LGALS9: variants seen among roughly 807,000 people sequenced by gnomAD.
LGALS9 encodes galectin 9, also known as galectin-9.
LGALS9 carries 26 observed loss-of-function variants against 35.9 expected under a neutral mutation model. The observed-to-expected ratio is 0.72, with a 90% CI of 0.53 to 1.01. The LOEUF is 1.01. Among genes scored for constraint, LGALS9 ranks in the 50% least tolerant of loss-of-function variants. The pLI, the probability that LGALS9 is intolerant of heterozygous loss-of-function variation, is 0.00. For synonymous variants in LGALS9, 149 were observed against 172.2 expected, an observed-to-expected ratio of 0.87 and a Z score of 1.06; for missense variants, 347 against 445.8, an observed-to-expected ratio of 0.78 and a Z score of 1.99.
rs748565126 is a variant in LGALS9 at position 27,647,025 on chromosome 17, G to A, written c.670-5G>A. 149 of 1,613,726 alleles carry A rather than the reference G, an allele frequency of 9.2e-5. No individual in the cohort carries two copies. The highest frequency in any genetic ancestry group is 1.2e-4 in the Non-Finnish European group (141 of 1,179,886). On this transcript the variant is annotated splice_polypyrimidine_tract_variant and splice_region_variant and intron_variant, in intron 8 of 10. Coordinates refer to ENST00000395473, the MANE Select transcript of LGALS9 (RefSeq NM_009587.3). ...GTGGCTGACCTGTCCCCCTTCTTCC[G>A]ACAGCCGATGCCTTTCATCACCACC... is the stretch of plus-strand genomic sequence containing the variant.
At chr17:27,648,689 G>A in intron 10 of LGALS9, 147 bp from the exon 11 acceptor site, 1 of 1,337,766 alleles carries the variant, frequency 7.5e-7, no homozygotes, top group Non-Finnish European at 1.0e-6. Flanking sequence ...GTTTAGTGAA[G>A]AGCCGTCGTT....
In LGALS9 at chr17:27,631,277, C is replaced by T. The variant is rs374384119; in HGVS notation, c.12C>T (p.Ser4=). The T allele has an allele frequency of 1.7e-5, 27 of 1,614,028 alleles. No individual in the cohort carries two copies. Among genetic ancestry groups the T allele is most frequent in the Middle Eastern group, 1.6e-4 (1 of 6,082 alleles). The stretch of plus-strand genomic sequence containing the variant: ...GAGGCGGCGGAGAGATGGCCTTCAG[C>T]GGTTCCCAGGCTCCCTACCTGAGTC... MAF[S]GSQAPYLSPA... is the part of the protein sequence containing the mutation. The change falls in exon 1 of 11, where the codon AGC becomes AGT. Residue 4 remains serine, a synonymous_variant. Coordinates refer to ENST00000395473, the MANE Select transcript of LGALS9 (RefSeq NM_009587.3).
intron 5 of LGALS9, chr17:27,645,024 T>G: frequency 2.0e-6 from 1 of 510,952 alleles, no homozygotes; most frequent in Admixed American, 3.6e-5. Context: ...AGTAATGCTC[T>G]TCGCTGTGGG....
chr17:27,643,875 G>A (rs1904719978), intron 5 of LGALS9, among the ~76,000 whole-genome samples: 2 of 152,120 alleles, frequency 1.3e-5, no homozygotes, highest in Admixed American at 6.5e-5. Context: ...TGTGGTCCAG[G>A]CCTCTGGGAT....
chr17:27,647,512 T>C, intron 10 of LGALS9, 80 bp downstream of exon 10: 2 of 1,572,282 alleles, frequency 1.3e-6, no homozygotes, highest in Non-Finnish European at 1.7e-6. Flanking sequence ...TGAGGTACCT[T>C]GAACAGTATG....
At chr17:27,639,325 C>T (rs981992401) in intron 2 of LGALS9, among the ~76,000 whole-genome samples, 16 of 152,158 alleles carry the variant, frequency 1.1e-4, no homozygotes, top group African/African-American at 3.6e-4. Context: ...GATCTTCCGC[C>T]CCTTCCTCTC....
In LGALS9 at chr17:27,643,759, C is replaced by T. The variant is rs1167205497; in HGVS notation, c.540+139C>T. On this transcript the variant is annotated intron_variant, in intron 5 of 10. Transcript: ENST00000395473. ...CACCCAAGAGTTCCCTGTCTCTGTC[C>T]GCTGGGCACCCAGAGCTGGGGACCT... 21 of 1,361,498 alleles carry T rather than the reference C, an allele frequency of 1.5e-5. 1 individual carries two copies. The highest frequency in any genetic ancestry group is 4.6e-5 in the South Asian group (3 of 65,162). 84.3% of individuals were successfully genotyped at this position (1,361,498 alleles called of 1,614,324 possible).
At chr17:27,647,884 G>T (rs1905061679) in intron 10 of LGALS9, among the ~76,000 whole-genome samples, 1 of 152,258 alleles carries the variant, frequency 6.6e-6, no homozygotes, top group Admixed American at 6.5e-5. Flanking sequence ...TGGACAGATT[G>T]TCACAGATAA....
Position 27,648,945 on chromosome 17 carries a change from T to C in LGALS9, c.1031T>C (p.Val344Ala), listed in dbSNP as rs1567921001. Residue 344 changes from valine to alanine, a missense_variant, in exon 11 of 11, where the codon GTG (valine) becomes GCG (alanine). By Grantham distance (64) the Val-to-Ala change is moderately conservative (BLOSUM62 0). Coordinates refer to ENST00000395473, the MANE Select transcript of LGALS9 (RefSeq NM_009587.3). ...RNLPTINRLE[V>A]GGDIQLTHVQ... ...CTGCCCACCATCAACAGACTGGAAG[T>C]GGGGGGCGACATCCAGCTGACCCAT... 1 of 1,613,714 alleles carries C rather than the reference T, an allele frequency of 6.2e-7. No individual in the cohort carries two copies. Among genetic ancestry groups the C allele is most frequent in the Non-Finnish European group, 8.5e-7 (1 of 1,179,792 alleles).
At position 27,638,165 on chromosome 17, in the gene LGALS9, T is replaced by C. The variant is rs1177587950; in HGVS notation, c.40-98T>C. 10 of 994,670 alleles carry C rather than the reference T, an allele frequency of 1.0e-5. 1 individual carries two copies. The African/African-American group carries it at 1.3e-4, about 13-fold the overall frequency. The allele number at this position is 994,670 out of a possible 1,614,324, so 61.6% of individuals were successfully genotyped here. ...CACAGCCGCACCCTATCCCCTTGCA[T>C]GGGGCTGTCAAACCCAGGCTGGCCA... On this transcript the variant is annotated intron_variant, in intron 1 of 10. Transcript: ENST00000395473.
intron 1 of LGALS9, 23 bp downstream of exon 1, chr17:27,631,327 C>G (rs1439826358): frequency 6.2e-7 from 1 of 1,614,128 alleles, no homozygotes; most frequent in Non-Finnish European, 8.5e-7. Context: ...GCTATGGGCA[C>G]AGGGCTGCCT....
At chr17:27,631,412 C>A in intron 1 of LGALS9, 108 bp downstream of exon 1, 1 of 1,423,360 alleles carries the variant, frequency 7.0e-7, no homozygotes, top group East Asian at 2.3e-5. Flanking sequence ...GGGGGCATCC[C>A]AAAGAGAACA....
chr17:27,648,274 A>C (rs575845930), intron 10 of LGALS9, among the ~76,000 whole-genome samples: 71 of 152,380 alleles, frequency 4.7e-4, no homozygotes, highest in African/African-American at 1.6e-3. Context: ...ATTTGTAGAC[A>C]GCTGTGTGAC....
intron 1 of LGALS9, among the ~76,000 whole-genome samples, chr17:27,635,580 C>T (rs1406827405): frequency 6.6e-6 from 1 of 152,086 alleles, no homozygotes; most frequent in Non-Finnish European, 1.5e-5. Flanking sequence ...GGAGATTAGC[C>T]TGTCCTGTCC....
intron 3 of LGALS9, among the ~76,000 whole-genome samples, chr17:27,641,437 A>G (rs962535865): frequency 6.6e-6 from 1 of 152,186 alleles, no homozygotes; most frequent in Non-Finnish European, 1.5e-5. Flanking sequence ...AGGAGCAGAA[A>G]ACCAAACACC....
At position 27,649,131 on chromosome 17, in the gene LGALS9, G is replaced by T; in HGVS notation, c.*149G>T. The T allele has an allele frequency of 2.3e-6, 3 of 1,285,224 alleles. No homozygotes were observed. The highest frequency in any genetic ancestry group is 2.2e-6 in the Non-Finnish European group (2 of 926,598). 79.6% of individuals were successfully genotyped at this position (1,285,224 alleles called of 1,614,324 possible). ...ATGTCCTTGTCTGGTCCTGCTTCTG[G>T]CTACAGCCACCCTGGAACGGAGAAG... is the stretch of plus-strand genomic sequence containing the variant. On this transcript the variant is annotated 3_prime_UTR_variant, in exon 11 of 11. Coordinates refer to ENST00000395473, the MANE Select transcript of LGALS9 (RefSeq NM_009587.3).
At chr17:27,643,898 C>T (rs531449507) in intron 5 of LGALS9, among the ~76,000 whole-genome samples, 14 of 152,264 alleles carry the variant, frequency 9.2e-5, no homozygotes, top group East Asian at 7.7e-4. Flanking sequence ...CTCACCATGA[C>T]GACAGGGGTC....
At chr17:27,648,766 G>A (rs1181461663) in intron 10 of LGALS9, 70 bp from the exon 11 acceptor site, 80 of 1,607,852 alleles carry the variant, frequency 5.0e-5, no homozygotes, top group Non-Finnish European at 6.5e-5. Context: ...TGGGAGGGAG[G>A]GAGAGAGGAG....
intron 8 of LGALS9, 122 bp downstream of exon 8, chr17:27,646,710 G>A: frequency 6.7e-7 from 1 of 1,498,444 alleles, no homozygotes; most frequent in South Asian, 1.1e-5. Context: ...TTAAGCTGAA[G>A]GGCTTCAAAG....
Sources: gnomAD v4.1 joint callset for allele counts (sites outside exome capture counted in the v4.1 genomes callset) on GRCh38, gnomAD v4.1.1 for gene constraint, MANE v1.5 for transcripts, NCBI Gene and HGNC (gene_info 2026-07-23, HGNC 2026-07-21) for gene names.